ZNF558: variants seen among roughly 807,000 people sequenced by gnomAD.
ZNF558 encodes zinc finger protein 558.
A neutral mutation model predicts 37.6 loss-of-function variants in ZNF558; 23 were observed. The observed-to-expected ratio is 0.61, with a 90% CI of 0.44 to 0.87. The LOEUF (loss-of-function observed/expected upper bound fraction) is 0.87, where lower values mean the gene tolerates loss of function less well. ZNF558 is among the 40% of genes least tolerant of loss of function. The pLI, the probability that ZNF558 is intolerant of heterozygous loss-of-function variation, is 0.00. For missense variants in ZNF558, 429 were observed against 483.7 expected (o/e 0.89, Z 1.06); for synonymous variants, 189 against 174.4 (o/e 1.08, Z -0.66).
In ZNF558 at chr19:8,808,325, AAATAAAT is replaced by A. The variant is rs2043720020; in HGVS notation, c.*2949_*2955del. 7.6e-6 allele frequency: 1 copy of A among 131,664 alleles called. No individual in the cohort carries two copies. Among genetic ancestry groups the A allele is most frequent in the African/African-American group, 2.7e-5 (1 of 36,412 alleles). 8.2% of individuals were successfully genotyped at this position (131,664 alleles called of 1,614,324 possible). ...CTCCATCTAAAATAAATAAATAAATAAATAAATGTTTGACCATTTATTATTAATGCAT... is the reference window on the plus strand; with the variant it reads ...CTCCATCTAAAATAAATAAATAAATAGTTTGACCATTTATTATTAATGCAT... On this transcript the variant is annotated 3_prime_UTR_variant, in exon 10 of 10. Coordinates refer to ENST00000601372, the MANE Select transcript of ZNF558 (RefSeq NM_144693.3).
intron 2 of ZNF558, among the ~76,000 whole-genome samples, chr19:8,825,450 A>G (rs2044209693): frequency 6.6e-6 from 1 of 152,124 alleles, no homozygotes; most frequent in South Asian, 2.1e-4. Context: ...CCAAACCAAA[A>G]CCAAAACAAA....
chr19:8,826,886 A>T (rs913290134), intron 2 of ZNF558, among the ~76,000 whole-genome samples: 14 of 152,190 alleles, frequency 9.2e-5, no homozygotes, highest in Non-Finnish European at 2.9e-5. Flanking sequence ...AGACCCAGGC[A>T]ACTGCTGCAG....
chr19:8,833,844 G>A (rs1468972074), upstream of ZNF558, among the ~76,000 whole-genome samples: 1 of 151,938 alleles, frequency 6.6e-6, no homozygotes, highest in African/African-American at 2.4e-5. Context: ...AAAATTAGCC[G>A]GGCGTGGTGG....
At chr19:8,824,504 G>A (rs549861032) in intron 3 of ZNF558, 87 bp from the exon 4 acceptor site, 1 of 152,346 alleles carries the variant, frequency 6.6e-6, no homozygotes, top group African/African-American at 2.4e-5. Flanking sequence ...AGCAAGAGAT[G>A]ACAAATCATC....
At chr19:8,831,920 C>T (rs2044367097) in intron 1 of ZNF558, among the ~76,000 whole-genome samples, 1 of 152,194 alleles carries the variant, frequency 6.6e-6, no homozygotes, top group Admixed American at 6.5e-5. Flanking sequence ...GTAGCAGCCT[C>T]CCCTCCCCAC....
chr19:8,813,118 G>C lies in ZNF558; in HGVS notation c.343+9C>G. ...TCCTCACAAGGGCTCATATCCACCT[G>C]GTGCTCACCTGGACAGGTGCTTGGT... On this transcript the variant is annotated intron_variant, in intron 8 of 9. Transcript: ENST00000601372. The C allele has an allele frequency of 6.4e-7, 1 of 1,573,990 alleles. No individual in the cohort carries two copies. Among genetic ancestry groups the C allele is most frequent in the East Asian group, 2.3e-5 (1 of 43,850 alleles).
chr19:8,825,822 G>A (rs1235625130), intron 2 of ZNF558, among the ~76,000 whole-genome samples: 2 of 152,108 alleles, frequency 1.3e-5, no homozygotes, highest in Non-Finnish European at 2.9e-5. Context: ...CCAAGAAAGG[G>A]GTCTGTGTTC....
At chr19:8,816,315 A>G (rs952057966) in intron 7 of ZNF558, among the ~76,000 whole-genome samples, 5 of 152,188 alleles carry the variant, frequency 3.3e-5, no homozygotes, top group Non-Finnish European at 7.3e-5. Context: ...CTTCTGCCTC[A>G]GCCTCCCAAA....
At position 8,822,570 on chromosome 19, in the gene ZNF558, C is replaced by T. The variant is rs973926005; in HGVS notation, c.31+59G>A. On this transcript the variant is annotated intron_variant, in intron 5 of 9. Transcript: ENST00000601372. This position sits in a 1 kb window ranked among gnomAD's most constrained non-coding sequence, Gnocchi z 4.4. Reference sequence around the variant, plus strand: ...TGCCCAACCCCGCTCGTGTCCCATGCTGTGGGTCAGAACCTTTCAAGGCTG... The same window carrying T: ...TGCCCAACCCCGCTCGTGTCCCATGTTGTGGGTCAGAACCTTTCAAGGCTG... The T allele has an allele frequency of 6.2e-7, 1 of 1,611,594 alleles. No individual in the cohort carries two copies. The highest frequency in any genetic ancestry group is 1.3e-5 in the African/African-American group (1 of 74,868).
At chr19:8,828,283 T>G (rs2044276918) in intron 2 of ZNF558, among the ~76,000 whole-genome samples, 1 of 152,180 alleles carries the variant, frequency 6.6e-6, no homozygotes, top group Non-Finnish European at 1.5e-5. Context: ...GATAACATCT[T>G]AACATGCGTC....
Position 8,808,801 on chromosome 19 carries a change from G to A in ZNF558, c.*2480C>T, listed in dbSNP as rs1034532781. The A allele has an allele frequency of 1.3e-5, 2 of 152,120 alleles. No individual in the cohort carries two copies. Among genetic ancestry groups the A allele is most frequent in the Non-Finnish European group, 2.9e-5 (2 of 68,028 alleles). The allele number at this position is 152,120 out of a possible 1,614,324, so 9.4% of individuals were successfully genotyped here. On this transcript the variant is annotated 3_prime_UTR_variant, in exon 10 of 10. Coordinates refer to ENST00000601372, the MANE Select transcript of ZNF558 (RefSeq NM_144693.3). Reference sequence around the variant, plus strand: ...AAAAATATTTATTTGTTTATTTTGAGATGGAGTCTCGCTCTGTTGCCAGGC... The same window carrying A: ...AAAAATATTTATTTGTTTATTTTGAAATGGAGTCTCGCTCTGTTGCCAGGC...
intron 2 of ZNF558, among the ~76,000 whole-genome samples, chr19:8,830,170 T>C (rs570566054): frequency 3.9e-5 from 6 of 152,198 alleles, no homozygotes; most frequent in Non-Finnish European, 7.3e-5. Context: ...CCTGCTGCCA[T>C]GTAAGACGTG....
rs1346041696 is a variant in ZNF558 at position 8,807,918 on chromosome 19, T to C, written c.*3363A>G. 1 of 152,174 alleles carries C rather than the reference T, an allele frequency of 6.6e-6. No individual in the cohort carries two copies. The highest frequency in any genetic ancestry group is 1.5e-5 in the Non-Finnish European group (1 of 68,024). The allele number at this position is 152,174 out of a possible 1,614,324, so 9.4% of individuals were successfully genotyped here. Reference sequence around the variant, plus strand: ...CTGGGTTCAGATCTTGGCTCTACCATTTACCAGTCAGTGAATGCAGGCAAG... The same window carrying C: ...CTGGGTTCAGATCTTGGCTCTACCACTTACCAGTCAGTGAATGCAGGCAAG... On this transcript the variant is annotated 3_prime_UTR_variant, in exon 10 of 10. Coordinates refer to ENST00000601372, the MANE Select transcript of ZNF558 (RefSeq NM_144693.3).
At position 8,821,384 on chromosome 19, in the gene ZNF558, G is replaced by A. The variant is rs2044085553; in HGVS notation, c.121-78C>T. On this transcript the variant is annotated intron_variant, in intron 6 of 9. Transcript: ENST00000601372. Reference sequence around the variant, plus strand: ...CACAGGAAGAGGGGCCAGGAGAACAGAGCCAGGGCTGGGGAAACCTGAGCA... The same window carrying A: ...CACAGGAAGAGGGGCCAGGAGAACAAAGCCAGGGCTGGGGAAACCTGAGCA... 6.2e-6 allele frequency: 10 copies of A among 1,613,558 alleles called. 1 individual carries two copies. The highest frequency in any genetic ancestry group is 3.3e-4 in the Middle Eastern group (2 of 6,040).
At position 8,824,303 on chromosome 19, in the gene ZNF558, C is replaced by T. The variant is rs1051088100; in HGVS notation, c.-287G>A. 2.6e-5 allele frequency: 4 copies of T among 152,224 alleles called. No individual in the cohort carries two copies. In the South Asian group the frequency reaches 6.2e-4, roughly 24 times the overall value. 9.4% of individuals were successfully genotyped at this position (152,224 alleles called of 1,614,324 possible). On this transcript the variant is annotated 5_prime_UTR_variant, in exon 4 of 10. Transcript: ENST00000601372. Reference sequence around the variant, plus strand: ...CTCCCACCGACGGCCAGCTCTGACTCGCAGGCCATGGAGTGGCCCCCGGTA... The same window carrying T: ...CTCCCACCGACGGCCAGCTCTGACTTGCAGGCCATGGAGTGGCCCCCGGTA...
intron 7 of ZNF558, among the ~76,000 whole-genome samples, chr19:8,817,498 G>A (rs1028712897): frequency 4.6e-5 from 7 of 151,652 alleles, no homozygotes; most frequent in African/African-American, 1.7e-4. Flanking sequence ...GCTAACTTAT[G>A]ATGTTCAGTG....
At position 8,808,970 on chromosome 19, in the gene ZNF558, G is replaced by C. The variant is rs1283972287; in HGVS notation, c.*2311C>G. ...AATCTTTATACTTTTAGTAGAGATA[G>C]GGTTTCACCACGTTGGCCAGGATGG... On this transcript the variant is annotated 3_prime_UTR_variant, in exon 10 of 10. Transcript: ENST00000601372. 1 of 152,068 alleles carries C rather than the reference G, an allele frequency of 6.6e-6. No homozygotes were observed. Among genetic ancestry groups the C allele is most frequent in the South Asian group, 2.1e-4 (1 of 4,820 alleles). 9.4% of individuals were successfully genotyped at this position (152,068 alleles called of 1,614,324 possible). A position where few individuals can be genotyped will look rare whatever the true frequency, so the allele number is the denominator to read the frequency against.
chr19:8,826,182 T>A (rs1289512094), intron 2 of ZNF558, among the ~76,000 whole-genome samples: 3 of 151,954 alleles, frequency 2.0e-5, no homozygotes, highest in African/African-American at 7.3e-5. Flanking sequence ...AGAGCAGTGG[T>A]CCCCAACCTT....
At chr19:8,832,308 C>A (rs1161563577), upstream of ZNF558, 1 of 152,266 alleles carries the variant, frequency 6.6e-6, no homozygotes, top group Non-Finnish European at 1.5e-5. Flanking sequence ...CGGTACCGCC[C>A]CGCGCTTCCG....
Sources: allele counts gnomAD v4.1 joint callset (sites outside exome capture counted in the v4.1 genomes callset), GRCh38; gene constraint gnomAD v4.1.1; non-coding constraint Gnocchi (gnomAD v3.1); transcripts MANE v1.5; gene names NCBI Gene and HGNC (gene_info 2026-07-23, HGNC 2026-07-21).